SLC6A4: variants seen among roughly 807,000 people sequenced by gnomAD.
The protein encoded by SLC6A4 is sodium-dependent serotonin transporter.
In SLC6A4, 22 loss-of-function variants were observed where a neutral mutation model predicts 73.4. The ratio of observed to expected loss-of-function variants is 0.30; its 90% CI spans 0.21 to 0.43. The LOEUF is 0.43. Ranked by LOEUF, SLC6A4 falls within the 20% of genes least tolerant of loss-of-function variation. The pLI is 1.00. For synonymous variants in SLC6A4, 270 were observed against 315.5 expected (o/e 0.86, Z 1.53); for missense variants, 593 against 808.5 (o/e 0.73, Z 3.23).
chr17:30,222,068 C>G lies in SLC6A4; in HGVS notation c.-110G>C, dbSNP rs757337583. On this transcript the variant is annotated 5_prime_UTR_variant, in exon 3 of 15. Coordinates refer to ENST00000650711, the MANE Select transcript of SLC6A4 (RefSeq NM_001045.6). ...GAGCTCTCTATCGTCGGGATTGACA[C>G]GTCGGGATTGACTCTGTTGGAAAGA... is the stretch of plus-strand genomic sequence containing the variant. The G allele has an allele frequency of 1.3e-6, 2 of 1,572,640 alleles. No individual in the cohort carries two copies. The highest frequency in any genetic ancestry group is 1.2e-5 in the South Asian group (1 of 86,540).
In SLC6A4 at chr17:30,222,892, A is replaced by C; in HGVS notation, c.-197T>G. 7.8e-7 allele frequency: 1 copy of C among 1,275,230 alleles called. No individual in the cohort carries two copies. Among genetic ancestry groups the C allele is most frequent in the Non-Finnish European group, 1.0e-6 (1 of 962,768 alleles). The allele number at this position is 1,275,230 out of a possible 1,614,324, so 79.0% of individuals were successfully genotyped here. ...TGTTATTCTGCAAGAGAGGGCAAGC[A>C]AGGTCGCCTTGCCTCCAGGAGACCT... On this transcript the variant is annotated 5_prime_UTR_variant, in exon 2 of 15. Coordinates refer to ENST00000650711, the MANE Select transcript of SLC6A4 (RefSeq NM_001045.6).
intron 13 of SLC6A4, among the ~76,000 whole-genome samples, chr17:30,207,066 T>C (rs1906229271): frequency 6.6e-6 from 1 of 152,092 alleles, no homozygotes; most frequent in Non-Finnish European, 1.5e-5. Flanking sequence ...AGAACTATTG[T>C]GAGGATTTAT....
chr17:30,222,962 C>G (rs2020940), intron 1 of SLC6A4, 47 bp from the exon 2 acceptor site: 19,136 of 601,472 alleles, frequency 0.032, 327 homozygotes, highest in Middle Eastern at 0.076. Flanking sequence ...TGGTTGGTGT[C>G]GCCGTCCCCC....
At position 30,207,784 on chromosome 17, in the gene SLC6A4, G is replaced by A. The variant is rs201114547; in HGVS notation, c.1598C>T (p.Pro533Leu). Residue 533 changes from proline (P) to leucine (L), a missense_variant, in exon 13 of 15, where the codon CCG becomes CTG. Transcript: ENST00000650711. ...CCAGCAGATCCTCCAGAACCACCCCGGGCTGAAGCCGAGCATTTCCTTCAC... is the reference window on the plus strand; with the variant it reads ...CCAGCAGATCCTCCAGAACCACCCCAGGCTGAAGCCGAGCATTTCCTTCAC... ...RDVKEMLGFS[P>L]GWFWRICWVA... The A allele has an allele frequency of 5.0e-6, 8 of 1,613,938 alleles. No individual in the cohort carries two copies. Among genetic ancestry groups the A allele is most frequent in the Admixed American group, 3.3e-5 (2 of 59,990 alleles).
Position 30,221,945 on chromosome 17 carries a change from G to T in SLC6A4, c.14C>A (p.Pro5His). The change falls in exon 3 of 15, where the codon CCC (proline) becomes CAC (histidine). Residue 5 changes from proline to histidine, a missense_variant. Physicochemically the swap from Pro to His is moderately conservative, Grantham distance 77. Transcript: ENST00000650711. ...TGATAGCTGCTTCTGAGAATTCAAG[G>T]GCGTCGTCTCCATCCTGCTGGTTAG... is the stretch of plus-strand genomic sequence containing the variant. METT[P>H]LNSQKQLSAC... 1 of 1,613,996 alleles carries T rather than the reference G, an allele frequency of 6.2e-7. No individual in the cohort carries two copies. Among genetic ancestry groups the T allele is most frequent in the Non-Finnish European group, 8.5e-7 (1 of 1,180,006 alleles).
rs1179159532 is a variant in SLC6A4, at chr17:30,196,342, G to C, written c.*2114C>G. 6.7e-6 allele frequency: 1 copy of C among 148,740 alleles called. No individual in the cohort carries two copies. The highest frequency in any genetic ancestry group is 1.5e-5 in the Non-Finnish European group (1 of 67,472). 9.2% of individuals were successfully genotyped at this position (148,740 alleles called of 1,614,324 possible). On this transcript the variant is annotated 3_prime_UTR_variant, in exon 15 of 15. Coordinates refer to ENST00000650711, the MANE Select transcript of SLC6A4 (RefSeq NM_001045.6). ...TAGGGGTCAAATAAATGCATACTAT[G>C]CGGAACAGACAGAGATTTTCGATTT...
chr17:30,218,138 G>C lies in SLC6A4; in HGVS notation c.678C>G (p.Ser226=), dbSNP rs138421605. The C allele has an allele frequency of 1.2e-6, 2 of 1,614,054 alleles. No homozygotes were observed. The highest frequency in any genetic ancestry group is 1.7e-6 in the Non-Finnish European group (2 of 1,179,996). ...DNITWTLHST[S]PAEEFYTRHV... is the part of the protein sequence containing the mutation. ...CTTACGTGTAAAATTCTTCAGCAGG[G>C]GACGTGGAATGGAGGGTCCAGGTGA... Residue 226 remains serine, a synonymous_variant, in exon 5 of 15, where the codon TCC becomes TCG. Coordinates refer to ENST00000650711, the MANE Select transcript of SLC6A4 (RefSeq NM_001045.6).
rs145643221 is a variant in SLC6A4, at chr17:30,218,806, T to C, written c.469A>G (p.Ile157Val). The change falls in exon 4 of 15, where the codon ATT becomes GTT. Residue 157 changes from isoleucine (I) to valine (V), a missense_variant. By Grantham distance (29) the Ile-to-Val change is conservative. Coordinates refer to ENST00000650711, the MANE Select transcript of SLC6A4 (RefSeq NM_001045.6). ...CGAGCCCTTCAGTTACCTTTGAAAA[T>C]CGGGCAGATTTTCCTCCATATTGAA... Reference protein sequence around the residue: ...CISIWRKICPIFKGIGYAICI... With the variant: ...CISIWRKICPVFKGIGYAICI... 11 of 1,613,808 alleles carry C rather than the reference T, an allele frequency of 6.8e-6. No individual in the cohort carries two copies. Among genetic ancestry groups the C allele is most frequent in the Non-Finnish European group, 9.3e-6 (11 of 1,179,966 alleles).
chr17:30,218,053 A>T (rs1338830067), intron 5 of SLC6A4, 65 bp downstream of exon 5: 15 of 1,357,400 alleles, frequency 1.1e-5, no homozygotes, highest in Non-Finnish European at 1.6e-5. Context: ...CTTCTTTTTA[A>T]GAAGCCAAAC....
intron 1 of SLC6A4, among the ~76,000 whole-genome samples, chr17:30,226,529 GTC>G (rs1236510249): frequency 1.3e-5 from 2 of 152,136 alleles, no homozygotes; most frequent in African/African-American, 4.8e-5. Context: ...GTGAAATCCT[GTC>G]TCTACTAAAA....
At chr17:30,210,797 T>G in intron 10 of SLC6A4, 151 bp from the exon 11 acceptor site, 2 of 773,548 alleles carry the variant, frequency 2.6e-6, no homozygotes, top group South Asian at 2.0e-5. Context: ...TGTAAGCATC[T>G]CAAAGAGTAT....
chr17:30,233,510 C>T (rs1907177822), intron 1 of SLC6A4, among the ~76,000 whole-genome samples: 1 of 152,256 alleles, frequency 6.6e-6, no homozygotes, highest in East Asian at 1.9e-4. Context: ...GTAGAGAGTA[C>T]CGGCCCTCCG....
intron 8 of SLC6A4, among the ~76,000 whole-genome samples, chr17:30,213,288 C>A (rs1474657373): frequency 1.3e-5 from 2 of 151,366 alleles, no homozygotes; most frequent in African/African-American, 4.9e-5. Context: ...AGAGAGATAC[C>A]CTCATTTTTT....
chr17:30,214,422 C>CAAAAAAAAAAAAAAA (rs748274109), intron 8 of SLC6A4, among the ~76,000 whole-genome samples: 1 of 79,528 alleles, frequency 1.3e-5, no homozygotes, highest in Non-Finnish European at 2.2e-5. Context: ...AACTCCGTCT[C>CAAAAAAAAAAAAAAA]AAAAAAAAAA....
chr17:30,215,956 A>G (rs1485011393), intron 7 of SLC6A4, 126 bp downstream of exon 7: 2 of 872,784 alleles, frequency 2.3e-6, no homozygotes, highest in African/African-American at 1.7e-5. Flanking sequence ...TTTCTTGGTT[A>G]AAGTATCATT....
intron 12 of SLC6A4, among the ~76,000 whole-genome samples, chr17:30,208,540 T>C (rs1906278745): frequency 6.6e-6 from 1 of 152,030 alleles, no homozygotes; most frequent in South Asian, 2.1e-4. Context: ...AACTTGGTCG[T>C]CTGAATTGCC....
chr17:30,227,664 T>G (rs8072742), intron 1 of SLC6A4, among the ~76,000 whole-genome samples: 2 of 152,088 alleles, frequency 1.3e-5, no homozygotes, highest in African/African-American at 4.8e-5. Flanking sequence ...TTTTTGTATT[T>G]TTTTCAGAGA....
At chr17:30,210,445 C>T (rs1007507273) in intron 11 of SLC6A4, 70 bp downstream of exon 11, 29 of 1,520,818 alleles carry the variant, frequency 1.9e-5, no homozygotes, top group South Asian at 1.0e-4. Context: ...TGGAAGGAGA[C>T]GAACAGCTTC....
intron 1 of SLC6A4, among the ~76,000 whole-genome samples, chr17:30,233,210 G>C (rs543445674): frequency 3.3e-5 from 5 of 152,166 alleles, no homozygotes; most frequent in African/African-American, 1.2e-4. Context: ...ATGGAACACC[G>C]CAAACATCAG....
Sources: gnomAD v4.1 joint callset for allele counts (sites outside exome capture counted in the v4.1 genomes callset) on GRCh38, gnomAD v4.1.1 for gene constraint, MANE v1.5 for transcripts, NCBI Gene and HGNC (gene_info 2026-07-23, HGNC 2026-07-21) for gene names.